DLG2: variants seen among roughly 807,000 people sequenced by gnomAD.
The protein encoded by DLG2 is disks large homolog 2.
A neutral mutation model predicts 132.5 loss-of-function variants in DLG2; 45 were observed. The ratio of observed to expected loss-of-function variants is 0.34; its 90% CI spans 0.27 to 0.44. The LOEUF (loss-of-function observed/expected upper bound fraction) is 0.44. Ranked by LOEUF, DLG2 falls within the 20% of genes least tolerant of loss-of-function variation. The pLI is 1.00. For missense variants in DLG2, 1,045 were observed against 1,196.9 expected, an observed-to-expected ratio of 0.87 and a Z score of 1.87; for synonymous variants, 424 against 419.6, an observed-to-expected ratio of 1.01 and a Z score of -0.13.
chr11:84,825,334 C>T (rs1047029645), intron 6 of DLG2, among the ~76,000 whole-genome samples: 1 of 151,826 alleles, frequency 6.6e-6, no homozygotes, highest in African/African-American at 2.4e-5. Flanking sequence ...TCCTAAGGCC[C>T]GAGCTGACAA....
chr11:83,647,256 G>A (rs1459340475), intron 18 of DLG2, among the ~76,000 whole-genome samples: 1 of 150,852 alleles, frequency 6.6e-6, no homozygotes, highest in Non-Finnish European at 1.5e-5. Flanking sequence ...GAAGGGAGGA[G>A]TGGGGCTTAG....
intron 11 of DLG2, among the ~76,000 whole-genome samples, chr11:84,028,435 T>C (rs534827449): frequency 1.8e-4 from 27 of 152,200 alleles, no homozygotes; most frequent in African/African-American, 6.0e-4. Context: ...ATCACATTCA[T>C]CTCAAAGTGA....
At chr11:85,495,384 T>A (rs150508917) in intron 3 of DLG2, among the ~76,000 whole-genome samples, 1 of 152,102 alleles carries the variant, frequency 6.6e-6, no homozygotes, top group Admixed American at 6.6e-5. Context: ...AATCTATCCA[T>A]CTGATGAAGG....
intron 16 of DLG2, among the ~76,000 whole-genome samples, chr11:83,853,060 C>A (rs2060021728): frequency 6.6e-6 from 1 of 152,184 alleles, no homozygotes; most frequent in South Asian, 2.1e-4. Flanking sequence ...GAAGAATCAT[C>A]AAAATTTTTC....
chr11:84,515,118 GACA>G (rs2099268574), intron 7 of DLG2, among the ~76,000 whole-genome samples: 1 of 151,580 alleles, frequency 6.6e-6, no homozygotes. Flanking sequence ...CACAAAGCAA[GACA>G]ACGAGAGAGG....
chr11:83,864,709 T>C (rs945110019), intron 16 of DLG2, among the ~76,000 whole-genome samples: 4 of 152,242 alleles, frequency 2.6e-5, no homozygotes, highest in African/African-American at 9.6e-5. Context: ...TGGCATAGGA[T>C]ACAGACGTGC....
At chr11:85,420,514 G>A (rs1385592163) in intron 3 of DLG2, among the ~76,000 whole-genome samples, 2 of 152,198 alleles carry the variant, frequency 1.3e-5, no homozygotes, top group African/African-American at 2.4e-5. Flanking sequence ...GTTCAAGTCT[G>A]CTGAAGTTGA....
intron 12 of DLG2, among the ~76,000 whole-genome samples, chr11:83,970,247 T>C (rs2091060462): frequency 6.6e-6 from 1 of 152,158 alleles, no homozygotes. Flanking sequence ...CCTTTTGCCA[T>C]TTTTAAGGTG....
At chr11:85,190,440 C>T (rs1261257917) in intron 4 of DLG2, among the ~76,000 whole-genome samples, 1 of 151,628 alleles carries the variant, frequency 6.6e-6, no homozygotes, top group African/African-American at 2.4e-5. Context: ...CCTGACATCA[C>T]CCCTAAAGGA....
rs1596352962 is a variant in DLG2, at chr11:85,339,814, A to C, written c.41-54449T>G. ...CAAGGAAAAAGCAAACAACCGCATC[A>C]AAAAGTGGGCAAAGGATATGAACAG... On this transcript the variant is annotated intron_variant, in intron 3 of 27. Coordinates refer to ENST00000376104, the MANE Select transcript of DLG2 (RefSeq NM_001142699.3). Among the ~76,000 whole-genome samples the C allele has an allele frequency of 7.9e-5, 12 of 152,218 alleles. No individual in the cohort carries two copies. The South Asian group carries it at 2.3e-3, about 29-fold the overall frequency.
intron 6 of DLG2, among the ~76,000 whole-genome samples, chr11:84,777,852 A>C (rs1281756938): frequency 6.6e-6 from 1 of 152,146 alleles, no homozygotes; most frequent in African/African-American, 2.4e-5. Flanking sequence ...TCTGAATATT[A>C]GTTCCCTGTT....
At chr11:84,135,445 G>A (rs1319943858) in intron 9 of DLG2, among the ~76,000 whole-genome samples, 1 of 152,088 alleles carries the variant, frequency 6.6e-6, no homozygotes, top group East Asian at 1.9e-4. Context: ...ACAGGGGTCA[G>A]TAAATCTTGA....
intron 6 of DLG2, among the ~76,000 whole-genome samples, chr11:85,079,277 C>G (rs1400414448): frequency 6.6e-6 from 1 of 152,012 alleles, no homozygotes; most frequent in East Asian, 1.9e-4. Flanking sequence ...CACCAGGTAG[C>G]AAGCTTCAGA....
chr11:84,932,955 T>C (rs1309177493), intron 6 of DLG2, among the ~76,000 whole-genome samples: 2 of 152,238 alleles, frequency 1.3e-5, no homozygotes, highest in East Asian at 3.9e-4. Flanking sequence ...TCCACAATGC[T>C]TGAACTAATT....
intron 7 of DLG2, among the ~76,000 whole-genome samples, chr11:84,433,833 G>A (rs534403804): frequency 1.3e-5 from 2 of 152,034 alleles, no homozygotes; most frequent in Non-Finnish European, 2.9e-5. Flanking sequence ...AGAATAATAG[G>A]TGTCCCAGCA....
chr11:84,777,134 G>A (rs1352418035), intron 6 of DLG2, among the ~76,000 whole-genome samples: 1 of 151,594 alleles, frequency 6.6e-6, no homozygotes, highest in African/African-American at 2.4e-5. Flanking sequence ...TTATGAGTGA[G>A]AACATGCAAT....
At chr11:83,584,845 C>A (rs886306319) in intron 19 of DLG2, among the ~76,000 whole-genome samples, 2 of 152,184 alleles carry the variant, frequency 1.3e-5, no homozygotes, top group Admixed American at 1.3e-4. Context: ...AGTTAAAAAT[C>A]ATTCATTCCT....
chr11:84,365,811 G>T (rs554951227), intron 7 of DLG2, among the ~76,000 whole-genome samples: 22 of 152,042 alleles, frequency 1.4e-4, no homozygotes, highest in African/African-American at 5.1e-4. Flanking sequence ...TTTCCATGTA[G>T]TTGAAAAGAC....
chr11:85,376,146 A>G lies in DLG2; in HGVS notation c.41-90781T>C, dbSNP rs193236488. Among the ~76,000 whole-genome samples, 16 of 152,316 alleles carry G rather than the reference A, an allele frequency of 1.1e-4. No homozygotes were observed. In the East Asian group the frequency reaches 3.1e-3, roughly 29 times the overall value. ...AATACATCCCCACAGAGGGCTTACA[A>G]TCCAGTAGAAGATATGGTCTGCTTA... On this transcript the variant is annotated intron_variant, in intron 3 of 27. Coordinates refer to ENST00000376104, the MANE Select transcript of DLG2 (RefSeq NM_001142699.3).
Sources: gnomAD v4.1 joint callset for allele counts (sites outside exome capture counted in the v4.1 genomes callset) on GRCh38, gnomAD v4.1.1 for gene constraint, MANE v1.5 for transcripts, NCBI Gene and HGNC (gene_info 2026-07-23, HGNC 2026-07-21) for gene names.